MARK3: variants seen among roughly 807,000 people sequenced by gnomAD.
MARK3 encodes microtubule affinity regulating kinase 3, also known as MAP/microtubule affinity-regulating kinase 3.
A neutral mutation model predicts 90.1 loss-of-function variants in MARK3; 46 were observed. That is an observed-to-expected ratio of 0.51 (90% CI 0.40 to 0.65). The LOEUF is 0.65. Among genes scored for constraint, MARK3 ranks in the 30% least tolerant of loss-of-function variants. The probability of loss-of-function intolerance (pLI) is 0.00; values close to 1 mark genes in which losing one functional copy is unlikely to be tolerated. For synonymous variants in MARK3, 321 were observed against 332.6 expected (o/e 0.97, Z 0.38); for missense variants, 818 against 947.2 (o/e 0.86, Z 1.79).
chr14:103,498,429 G>C, intron 15 of MARK3, 73 bp from the exon 16 acceptor site: 1 of 1,032,050 alleles, frequency 9.7e-7, no homozygotes, highest in East Asian at 3.5e-5. Flanking sequence ...CTCTGTAATT[G>C]ATTAGATTTT....
intron 1 of MARK3, among the ~76,000 whole-genome samples, chr14:103,402,379 C>T (rs2091014798): frequency 6.6e-6 from 1 of 151,890 alleles, no homozygotes; most frequent in Non-Finnish European, 1.5e-5. Context: ...ATAGTGAAAC[C>T]CTGTCTCTAC....
At chr14:103,441,203 A>C (rs932792378) in intron 3 of MARK3, among the ~76,000 whole-genome samples, 1 of 152,176 alleles carries the variant, frequency 6.6e-6, no homozygotes, top group Non-Finnish European at 1.5e-5. Context: ...CTCAGTGAAT[A>C]GCAGAGGCTC....
intron 12 of MARK3, among the ~76,000 whole-genome samples, chr14:103,472,478 C>T (rs760915241): frequency 6.6e-6 from 1 of 150,982 alleles, no homozygotes; most frequent in Non-Finnish European, 1.5e-5. Flanking sequence ...CCTGTGTCTA[C>T]TAAAAATACA....
chr14:103,394,873 C>G (rs1013444546), intron 1 of MARK3, among the ~76,000 whole-genome samples: 4 of 152,122 alleles, frequency 2.6e-5, no homozygotes, highest in Non-Finnish European at 4.4e-5. Flanking sequence ...ACCTCTGCCT[C>G]CTGGGTTCAA....
chr14:103,458,710 G>C (rs2093333853), intron 6 of MARK3: 1 of 690,106 alleles, frequency 1.4e-6, no homozygotes, highest in Non-Finnish European at 2.6e-6. Flanking sequence ...TTTATATTTT[G>C]TTTTATTCAT....
intron 14 of MARK3, among the ~76,000 whole-genome samples, chr14:103,482,992 A>G (rs1334845885): frequency 6.6e-6 from 1 of 152,160 alleles, no homozygotes; most frequent in Non-Finnish European, 1.5e-5. Flanking sequence ...TTTTAATAAT[A>G]TTTGGACTTT....
intron 1 of MARK3, among the ~76,000 whole-genome samples, chr14:103,391,023 TAA>T (rs1235886576): frequency 6.6e-6 from 1 of 152,240 alleles, no homozygotes; most frequent in Non-Finnish European, 1.5e-5. Flanking sequence ...AACTATTTTT[TAA>T]AATATTTTAT....
At chr14:103,399,594 G>GA (rs1292355301) in intron 1 of MARK3, among the ~76,000 whole-genome samples, 1 of 151,618 alleles carries the variant, frequency 6.6e-6, no homozygotes, top group Non-Finnish European at 1.5e-5. Flanking sequence ...AGCTACTCGG[G>GA]AGGCTGAGGC....
chr14:103,423,200 C>CTTTT (rs10529756), intron 2 of MARK3, among the ~76,000 whole-genome samples: 34,112 of 94,720 alleles, frequency 0.36, 8,360 homozygotes, highest in Middle Eastern at 0.49. Flanking sequence ...GACTTGCAGT[C>CTTTT]TTTTTTTTTT....
chr14:103,403,326 TTGTGTGTGTGTG>T (rs59913493), intron 1 of MARK3, among the ~76,000 whole-genome samples: 1,551 of 138,522 alleles, frequency 0.011, 22 homozygotes, highest in African/African-American at 0.028. Flanking sequence ...TAGTGCCTGG[TTGTGTGTGTGTG>T]TGTGTGTGTG....
intron 11 of MARK3, chr14:103,467,399 T>C (rs2093528296): frequency 9.0e-6 from 3 of 335,166 alleles, no homozygotes; most frequent in African/African-American, 2.1e-5. Flanking sequence ...GCGTGGTGGC[T>C]CATGCCTGTA....
At chr14:103,405,824 C>T (rs576389416) in intron 2 of MARK3, among the ~76,000 whole-genome samples, 31 of 150,884 alleles carry the variant, frequency 2.1e-4, no homozygotes, top group Non-Finnish European at 3.7e-4. Flanking sequence ...GTCTCGAACT[C>T]CTGACCTCGT....
Position 103,385,629 on chromosome 14 carries a change from C to T in MARK3, c.-401C>T, listed in dbSNP as rs999390511. 4 of 167,494 alleles carry T rather than the reference C, an allele frequency of 2.4e-5. No homozygotes were observed. Among genetic ancestry groups the T allele is most frequent in the African/African-American group, 4.8e-5 (2 of 41,930 alleles). The allele number at this position is 167,494 out of a possible 1,614,324, so 10.4% of individuals were successfully genotyped here. A position where few individuals can be genotyped will look rare whatever the true frequency, so the allele number is the denominator to read the frequency against. On this transcript the variant is annotated 5_prime_UTR_variant, in exon 1 of 18. Coordinates refer to ENST00000429436, the MANE Select transcript of MARK3 (RefSeq NM_001128918.3). Reference sequence around the variant, plus strand: ...CCTCCGCCTCCTCGTTTTCAGGCGCCGCCGGCGGCGCTGTGTGGAGGCCCG... The same window carrying T: ...CCTCCGCCTCCTCGTTTTCAGGCGCTGCCGGCGGCGCTGTGTGGAGGCCCG...
At chr14:103,429,211 G>C (rs1478865439) in intron 3 of MARK3, 1 of 152,202 alleles carries the variant, frequency 6.6e-6, no homozygotes, top group Non-Finnish European at 1.5e-5. Context: ...TGTAGTAGTT[G>C]AGGGGGGTAC....
intron 14 of MARK3, among the ~76,000 whole-genome samples, chr14:103,489,230 C>T (rs1470850698): frequency 6.6e-6 from 1 of 152,226 alleles, no homozygotes; most frequent in South Asian, 2.1e-4. Context: ...AAGAGAATAA[C>T]TCCTGCAAAC....
At chr14:103,403,670 A>C (rs1324102720) in intron 1 of MARK3, among the ~76,000 whole-genome samples, 1 of 152,184 alleles carries the variant, frequency 6.6e-6, no homozygotes, top group Non-Finnish European at 1.5e-5. Context: ...TTGATGTAAT[A>C]ATTTGCATTA....
intron 3 of MARK3, among the ~76,000 whole-genome samples, chr14:103,429,792 T>G (rs867689002): frequency 6.6e-6 from 1 of 152,216 alleles, no homozygotes; most frequent in Non-Finnish European, 1.5e-5. Flanking sequence ...AGAACTAAAA[T>G]TAACATACAA....
At position 103,405,275 on chromosome 14, in the gene MARK3, C is replaced by T. The variant is rs772340575; in HGVS notation, c.243+8C>T. 1.3e-6 allele frequency: 2 copies of T among 1,507,264 alleles called. No homozygotes were observed. The highest frequency in any genetic ancestry group is 4.6e-5 in the Admixed American group (2 of 43,238). The allele number at this position is 1,507,264 out of a possible 1,614,324, so 93.4% of individuals were successfully genotyped here. A position where few individuals can be genotyped will look rare whatever the true frequency, so the allele number is the denominator to read the frequency against. ...ATCCTTACAGGCAGAGAGGTAAATA[C>T]CAGTTATGCTTATTTCTGTTATGAC... is the stretch of plus-strand genomic sequence containing the variant. On this transcript the variant is annotated splice_region_variant and intron_variant, in intron 2 of 17. Coordinates refer to ENST00000429436, the MANE Select transcript of MARK3 (RefSeq NM_001128918.3).
At chr14:103,441,897 A>G (rs1315689603) in intron 3 of MARK3, among the ~76,000 whole-genome samples, 2 of 152,104 alleles carry the variant, frequency 1.3e-5, no homozygotes, top group African/African-American at 4.8e-5. Context: ...ATATTTTTAA[A>G]TTTTATTTTT....
Sources: gnomAD v4.1 joint callset for allele counts (sites outside exome capture counted in the v4.1 genomes callset) on GRCh38, gnomAD v4.1.1 for gene constraint, MANE v1.5 for transcripts, NCBI Gene and HGNC (gene_info 2026-07-23, HGNC 2026-07-21) for gene names.